The following CENPK variants were observed in gnomAD, a reference collection of about 807,000 sequenced individuals.
The protein encoded by CENPK is centromere protein K, also known as SoxLZ/Sox6-binding protein Solt.
CENPK carries 46 observed loss-of-function variants against 40.9 expected under a neutral mutation model. That is an observed-to-expected ratio of 1.13 (90% CI 0.89 to 1.44). The LOEUF (loss-of-function observed/expected upper bound fraction) is 1.44, where lower values mean the gene tolerates loss of function less well. Ranked by LOEUF, CENPK falls within the 40% of genes most tolerant of loss-of-function variation. The pLI, the probability that CENPK is intolerant of heterozygous loss-of-function variation, is 0.00. For synonymous variants in CENPK, 107 were observed against 104.4 expected (o/e 1.02, Z -0.15); for missense variants, 288 against 303.5 (o/e 0.95, Z 0.38).
intron 5 of CENPK, among the ~76,000 whole-genome samples, chr5:65,547,885 C>T (rs1446523617): frequency 6.6e-6 from 1 of 152,070 alleles, no homozygotes; most frequent in South Asian, 2.1e-4. Context: ...AGGATGGTCT[C>T]GATCTCCTGA....
chr5:65,544,779 C>CA (rs1028182443), intron 5 of CENPK, among the ~76,000 whole-genome samples: 12 of 152,224 alleles, frequency 7.9e-5, no homozygotes, highest in African/African-American at 2.9e-4. Context: ...AAGCCACCCA[C>CA]AAAAACACAA....
chr5:65,562,202 C>T (rs1752100000), intron 1 of CENPK, among the ~76,000 whole-genome samples: 2 of 152,086 alleles, frequency 1.3e-5, no homozygotes, highest in Non-Finnish European at 2.9e-5. Flanking sequence ...GCATTGGTCT[C>T]TGAAAGATGA....
chr5:65,532,339 A>G (rs964873706), intron 6 of CENPK, among the ~76,000 whole-genome samples: 1 of 152,192 alleles, frequency 6.6e-6, no homozygotes, highest in Non-Finnish European at 1.5e-5. Context: ...ATACTTCAGG[A>G]ATAAAAAATT....
intron 6 of CENPK, among the ~76,000 whole-genome samples, chr5:65,536,930 T>TG (rs1388397363): frequency 9.8e-5 from 15 of 152,314 alleles, no homozygotes; most frequent in African/African-American, 3.6e-4. Flanking sequence ...TCCACCCTCA[T>TG]GAAGTGATTA....
chr5:65,514,228 A>ATATTTTTTTTTTTTTTTTTTTTTTTTT (rs199873665), downstream of CENPK, among the ~76,000 whole-genome samples: 1 of 61,648 alleles, frequency 1.6e-5, no homozygotes, highest in Non-Finnish European at 3.1e-5. Context: ...GCCTCACATA[A>ATATTTTTTTTTTTTTTTTTTTTTTTTT]TCTTTTTTTT....
At chr5:65,543,123 C>T (rs1748271341) in intron 5 of CENPK, among the ~76,000 whole-genome samples, 2 of 152,124 alleles carry the variant, frequency 1.3e-5, no homozygotes, top group African/African-American at 2.4e-5. Context: ...ACCAACATGC[C>T]TGGCTAATTT....
At chr5:65,503,057 C>G in the CENPK span, among the ~76,000 whole-genome samples, 4,914 of 151,616 alleles carry the variant, frequency 0.032, 139 homozygotes, top group Middle Eastern at 0.086. Flanking sequence ...TCTCAGCCTC[C>G]CAAAGTGCTG....
chr5:65,526,596 C>T (rs1744750688), intron 9 of CENPK, among the ~76,000 whole-genome samples: 2 of 152,122 alleles, frequency 1.3e-5, no homozygotes, highest in Admixed American at 6.5e-5. Flanking sequence ...GAGTAGCTCA[C>T]AGGGCATGGG....
At chr5:65,504,473 A>C in the CENPK span, among the ~76,000 whole-genome samples, 1 of 151,546 alleles carries the variant, frequency 6.6e-6, no homozygotes, top group Non-Finnish European at 1.5e-5. Flanking sequence ...AAAAAAAAAA[A>C]AAAACCCACG....
chr5:65,547,809 C>T (rs1749286046), intron 5 of CENPK, among the ~76,000 whole-genome samples: 1 of 152,004 alleles, frequency 6.6e-6, no homozygotes, highest in Non-Finnish European at 1.5e-5. Flanking sequence ...GGACTGCAGG[C>T]GCCCACCACA....
At chr5:65,544,707 G>A (rs1489134751) in intron 5 of CENPK, among the ~76,000 whole-genome samples, 1 of 152,048 alleles carries the variant, frequency 6.6e-6, no homozygotes, top group Non-Finnish European at 1.5e-5. Flanking sequence ...CCTTAAAAAA[G>A]GAAGGAAATT....
At chr5:65,504,220 C>T in the CENPK span, among the ~76,000 whole-genome samples, 1 of 151,548 alleles carries the variant, frequency 6.6e-6, no homozygotes, top group Non-Finnish European at 1.5e-5. Flanking sequence ...CTTTGGGAGG[C>T]CAAGGTGGGG....
the CENPK span, among the ~76,000 whole-genome samples, chr5:65,511,508 C>T: frequency 2.6e-5 from 4 of 152,162 alleles, no homozygotes; most frequent in African/African-American, 4.8e-5. Flanking sequence ...AAAACCAGTG[C>T]TCGTGTACCA....
intron 6 of CENPK, among the ~76,000 whole-genome samples, chr5:65,537,862 T>C (rs977131664): frequency 3.9e-5 from 6 of 152,218 alleles, no homozygotes; most frequent in Admixed American, 3.9e-4. Flanking sequence ...GTAAGAAAAA[T>C]GATGCTATGA....
intron 2 of CENPK, among the ~76,000 whole-genome samples, chr5:65,559,916 T>C (rs1234762578): frequency 6.6e-6 from 1 of 151,950 alleles, no homozygotes; most frequent in Non-Finnish European, 1.5e-5. Flanking sequence ...GTTTTTTAAA[T>C]GTATATTTTG....
intron 6 of CENPK, among the ~76,000 whole-genome samples, chr5:65,538,764 C>G (rs530445803): frequency 7.2e-4 from 109 of 152,256 alleles, no homozygotes; most frequent in African/African-American, 2.6e-3. Flanking sequence ...ACCTGGTATC[C>G]CTGAGTCAAG....
At chr5:65,530,626 G>A (rs138120361) in intron 6 of CENPK, among the ~76,000 whole-genome samples, 33 of 152,272 alleles carry the variant, frequency 2.2e-4, no homozygotes, top group Admixed American at 4.6e-4. Context: ...TCAGTGATAA[G>A]TTAAACATGT....
chr5:65,536,658 G>A (rs1342324698), intron 6 of CENPK, among the ~76,000 whole-genome samples: 1 of 151,034 alleles, frequency 6.6e-6, no homozygotes, highest in Non-Finnish European at 1.5e-5. Context: ...GGATTGGGGG[G>A]GAGAATAATT....
At chr5:65,547,980 T>C (rs1188902782) in intron 5 of CENPK, among the ~76,000 whole-genome samples, 1 of 151,948 alleles carries the variant, frequency 6.6e-6, no homozygotes, top group Non-Finnish European at 1.5e-5. Flanking sequence ...ATTTCAATAA[T>C]TGGGAAAGAG....
Sources: allele counts gnomAD v4.1 joint callset (sites outside exome capture counted in the v4.1 genomes callset), GRCh38; gene constraint gnomAD v4.1.1; transcripts MANE v1.5; gene names NCBI Gene and HGNC (gene_info 2026-07-23, HGNC 2026-07-21).